Variants in PLGLB2 observed in about 807,000 individuals in gnomAD.
PLGLB2 encodes the protein plasminogen like B2, also known as plasminogen-like protein B.
chr2:87,748,970 G>T (rs1356192169), intron 1 of PLGLB2, among the ~76,000 whole-genome samples: 1 of 129,894 alleles, frequency 7.7e-6, no homozygotes, highest in Non-Finnish European at 1.6e-5. Context: ...CATGTTATTT[G>T]CTCAGTGACC....
At chr2:87,753,110 CAG>C (rs1421707477) in intron 2 of PLGLB2, among the ~76,000 whole-genome samples, 1 of 145,864 alleles carries the variant, frequency 6.9e-6, no homozygotes, top group African/African-American at 2.5e-5. Context: ...TGGGAGGGGT[CAG>C]GGGCCAGGGT....
chr2:87,757,321 GCAGA>G lies in PLGLB2; in HGVS notation c.*508_*511del, dbSNP rs1383484313. 1.1e-4 allele frequency: 4 copies of G among 35,492 alleles called. No individual in the cohort carries two copies. The highest frequency in any genetic ancestry group is 9.9e-4 in the African/African-American group (3 of 3,028). 2.2% of individuals were successfully genotyped at this position (35,492 alleles called of 1,614,324 possible). On this transcript the variant is annotated 3_prime_UTR_variant, in exon 4 of 4. Transcript: ENST00000359481. ...AATTCAAACCAGAATATGTGAATAA[GCAGA>G]CAGAAAGAATCTTTTTGATGTCGAT...
chr2:87,750,687 C>A (rs1346954429), intron 1 of PLGLB2, among the ~76,000 whole-genome samples: 3 of 149,960 alleles, frequency 2.0e-5, no homozygotes, highest in Non-Finnish European at 4.5e-5. Flanking sequence ...GCTCTGTGTA[C>A]CCTCAGGAGG....
chr2:87,750,956 CTGTTGTCT>C (rs1424228208), intron 1 of PLGLB2, among the ~76,000 whole-genome samples: 5 of 111,964 alleles, frequency 4.5e-5, no homozygotes, highest in Non-Finnish European at 9.5e-5. Flanking sequence ...CAAGGTTGTC[CTGTTGTCT>C]AATTCCATGG....
chr2:87,750,839 T>C (rs1684634724), intron 1 of PLGLB2, among the ~76,000 whole-genome samples: 1 of 138,098 alleles, frequency 7.2e-6, no homozygotes, highest in South Asian at 2.6e-4. Flanking sequence ...GAGGGCTCGC[T>C]GTCTTCAGAG....
intron 1 of PLGLB2, among the ~76,000 whole-genome samples, chr2:87,750,578 G>A (rs1291657377): frequency 5.9e-5 from 9 of 151,302 alleles, no homozygotes; most frequent in African/African-American, 2.2e-4. Context: ...AGCCCGGAAT[G>A]TCTTAAATTG....
chr2:87,751,419 T>A lies in PLGLB2; in HGVS notation c.50-828T>A, dbSNP rs561315613. 10 of 149,730 alleles carry A rather than the reference T, an allele frequency of 6.7e-5. No individual in the cohort carries two copies. The South Asian group carries it at 2.1e-3, about 32-fold the overall frequency. The allele number at this position is 149,730 out of a possible 1,614,324, so 9.3% of individuals were successfully genotyped here. On this transcript the variant is annotated intron_variant, in intron 1 of 3. Coordinates refer to ENST00000359481, the MANE Select transcript of PLGLB2 (RefSeq NM_002665.4). Reference sequence around the variant, plus strand: ...TGTTGGGGAGCTTCTTACCCTCCAGTGTTTTGCCCAATTTTTGTCCAAGTT... The same window carrying A: ...TGTTGGGGAGCTTCTTACCCTCCAGAGTTTTGCCCAATTTTTGTCCAAGTT...
intron 1 of PLGLB2, chr2:87,751,773 TC>T (rs1385600241): frequency 1.3e-5 from 1 of 79,234 alleles, no homozygotes; most frequent in Non-Finnish European, 2.9e-5. Flanking sequence ...TAGTAGTGGT[TC>T]CATAGTTCTA....
intron 1 of PLGLB2, chr2:87,751,258 G>C (rs1433669036): frequency 7.9e-6 from 1 of 125,876 alleles, no homozygotes; most frequent in Non-Finnish European, 1.7e-5. Flanking sequence ...ACCAAGACCA[G>C]TATTTGTCCC....
intron 1 of PLGLB2, chr2:87,751,465 T>C (rs1294866073): frequency 6.6e-6 from 1 of 151,020 alleles, no homozygotes; most frequent in Non-Finnish European, 1.5e-5. Flanking sequence ...TTTAGTTCAG[T>C]TCTTGTTTAT....
At chr2:87,756,572 C>T (rs1684729364) in intron 3 of PLGLB2, 4 of 359,410 alleles carry the variant, frequency 1.1e-5, no homozygotes, top group Non-Finnish European at 2.1e-5. Flanking sequence ...CACTGTGCCC[C>T]GTGTGTCCCC....
Position 87,756,818 on chromosome 2 carries a change from A to T in PLGLB2, c.*2-2A>T. The T allele has an allele frequency of 1.3e-6, 1 of 763,318 alleles. No individual in the cohort carries two copies. The highest frequency in any genetic ancestry group is 1.4e-5 in the South Asian group (1 of 72,556). 47.3% of individuals were successfully genotyped at this position (763,318 alleles called of 1,614,324 possible). A position where few individuals can be genotyped will look rare whatever the true frequency, so the allele number is the denominator to read the frequency against. On this transcript the variant is annotated splice_acceptor_variant, in intron 3 of 3. Coordinates refer to ENST00000359481, the MANE Select transcript of PLGLB2 (RefSeq NM_002665.4). LOFTEE classifies it low-confidence loss of function (3UTR_SPLICE). ...TTGACCACTGTGTGGACTTTCCTTCAGTGTATCTTTCAGAGTGCAAGACTG... is the reference window on the plus strand; with the variant it reads ...TTGACCACTGTGTGGACTTTCCTTCTGTGTATCTTTCAGAGTGCAAGACTG...
At chr2:87,753,177 G>A (rs1573988036) in intron 2 of PLGLB2, among the ~76,000 whole-genome samples, 2 of 148,466 alleles carry the variant, frequency 1.3e-5, no homozygotes, top group South Asian at 4.4e-4. Context: ...GGGAGGTCAT[G>A]GAGATGGACT....
chr2:87,748,785 TACTC>T (rs1233147709), intron 1 of PLGLB2, among the ~76,000 whole-genome samples: 1 of 63,042 alleles, frequency 1.6e-5, no homozygotes, highest in Non-Finnish European at 3.2e-5. Context: ...ATTCAACAAA[TACTC>T]ACTTAGTGCT....
At chr2:87,750,087 A>T (rs1684621892) in intron 1 of PLGLB2, among the ~76,000 whole-genome samples, 1 of 152,270 alleles carries the variant, frequency 6.6e-6, no homozygotes, top group African/African-American at 2.4e-5. Context: ...GAAAAAAAAA[A>T]TGGGGGAAAA....
intron 3 of PLGLB2, chr2:87,756,494 T>G (rs1684725483): frequency 3.4e-6 from 1 of 291,298 alleles, no homozygotes; most frequent in African/African-American, 2.1e-5. Flanking sequence ...TTTACTTGAA[T>G]ATTTCCTGTA....
chr2:87,750,398 A>G (rs1322261614), intron 1 of PLGLB2, among the ~76,000 whole-genome samples: 1 of 151,554 alleles, frequency 6.6e-6, no homozygotes, highest in Admixed American at 6.6e-5. Flanking sequence ...CCAAAACACA[A>G]CTCTTCTTGG....
In PLGLB2 at chr2:87,759,000, T is replaced by C. The variant is rs1435204192; in HGVS notation, c.*2182T>C. Among the ~76,000 whole-genome samples, 7 of 144,018 alleles carry C rather than the reference T, an allele frequency of 4.9e-5. No homozygotes were observed. In the East Asian group the frequency reaches 1.4e-3, roughly 29 times the overall value. The allele number at this position is 144,018 out of a possible 152,430, so 94.5% of individuals were successfully genotyped here. A position where few individuals can be genotyped will look rare whatever the true frequency, so the allele number is the denominator to read the frequency against. On this transcript the variant is annotated 3_prime_UTR_variant, in exon 4 of 4. Coordinates refer to ENST00000359481, the MANE Select transcript of PLGLB2 (RefSeq NM_002665.4). ...GGAAAGGAGCAAAACTTTGCTCAGA[T>C]CCCAGAATTAACCTGATTTTTTTTT...
In PLGLB2 at chr2:87,748,898, G is replaced by A. The variant is rs1204834094; in HGVS notation, c.49+696G>A. Among the ~76,000 whole-genome samples the A allele has an allele frequency of 4.9e-5, 6 of 122,112 alleles. 1 individual carries two copies. The highest frequency in any genetic ancestry group is 4.5e-4 in the East Asian group (2 of 4,428). 80.1% of individuals were successfully genotyped at this position (122,112 alleles called of 152,430 possible). On this transcript the variant is annotated intron_variant, in intron 1 of 3. Coordinates refer to ENST00000359481, the MANE Select transcript of PLGLB2 (RefSeq NM_002665.4). ...ACAAATACTAGCTTATTTAGCTCGC[G>A]GTATAGGTAGGGTAGCATATTCACC...
Sources: allele counts gnomAD v4.1 joint callset (sites outside exome capture counted in the v4.1 genomes callset), GRCh38; gene constraint gnomAD v4.1.1; transcripts MANE v1.5; gene names NCBI Gene and HGNC (gene_info 2026-07-23, HGNC 2026-07-21).